CSMD1: variants seen among roughly 807,000 people sequenced by gnomAD.
The protein encoded by CSMD1 is CUB and Sushi multiple domains 1, also known as CUB and sushi domain-containing protein 1.
A neutral mutation model predicts 417.5 loss-of-function variants in CSMD1; 213 were observed. The observed-to-expected ratio is 0.51, with a 90% CI of 0.46 to 0.57. The LOEUF (loss-of-function observed/expected upper bound fraction) is 0.57, where lower values mean the gene tolerates loss of function less well. Ranked by LOEUF, CSMD1 falls within the 20% of genes least tolerant of loss-of-function variation. CSMD1 has a pLI of 0.00. For synonymous variants in CSMD1, 2,862 were observed against 1,736.8 expected (o/e 1.65, Z -16.11); for missense variants, 6,923 against 4,529.7 (o/e 1.53, Z -15.17).
chr8:3,969,612 A>G (rs894590771), intron 5 of CSMD1, among the ~76,000 whole-genome samples: 2 of 152,222 alleles, frequency 1.3e-5, no homozygotes, highest in African/African-American at 4.8e-5. Context: ...CTTGACATAA[A>G]ATTAAATAAA....
At chr8:3,867,018 G>A (rs939673634) in intron 5 of CSMD1, among the ~76,000 whole-genome samples, 1 of 152,064 alleles carries the variant, frequency 6.6e-6, no homozygotes, top group African/African-American at 2.4e-5. Flanking sequence ...TTTTAATTCT[G>A]TGCATTAAAT....
intron 5 of CSMD1, among the ~76,000 whole-genome samples, chr8:3,781,294 T>C (rs966547060): frequency 2.6e-5 from 4 of 152,148 alleles, no homozygotes; most frequent in South Asian, 2.1e-4. Context: ...ATGGTATGAA[T>C]ATACAATATT....
At chr8:3,177,804 C>T (rs926459273) in intron 37 of CSMD1, among the ~76,000 whole-genome samples, 2 of 152,186 alleles carry the variant, frequency 1.3e-5, no homozygotes, top group African/African-American at 4.8e-5. Flanking sequence ...CCATCCTGTA[C>T]ACCTTGAGGT....
At chr8:3,434,833 G>C (rs1215563540) in intron 12 of CSMD1, among the ~76,000 whole-genome samples, 1 of 152,136 alleles carries the variant, frequency 6.6e-6, no homozygotes, top group South Asian at 2.1e-4. Context: ...TCAGAGTGCT[G>C]GCAGGAAGTG....
intron 17 of CSMD1, among the ~76,000 whole-genome samples, chr8:3,395,977 C>G (rs1413972789): frequency 6.6e-6 from 1 of 152,060 alleles, no homozygotes; most frequent in Admixed American, 6.6e-5. Flanking sequence ...TTGTCATACG[C>G]GATGGATACG....
rs754304316 is a variant in CSMD1 at position 3,108,690 on chromosome 8, C to T, written c.6667G>A (p.Glu2223Lys). 6.8e-6 allele frequency: 11 copies of T among 1,613,478 alleles called. No homozygotes were observed. Among genetic ancestry groups the T allele is most frequent in the African/African-American group, 1.3e-5 (1 of 74,900 alleles). The stretch of plus-strand genomic sequence containing the variant: ...TGGTTGGTGGAGCTATACGCCGTTT[C>T]GAGGGCTGTGTTGCCACTGAAAACT... ...LGVFSGNTAL[E>K]TAYSSTNQVL... Residue 2223 changes from glutamate (E) to lysine (K), a missense_variant, in exon 44 of 70, where the codon GAA becomes AAA. Coordinates refer to ENST00000635120, the MANE Select transcript of CSMD1 (RefSeq NM_033225.6).
At chr8:4,048,393 A>G (rs1048068960) in intron 3 of CSMD1, among the ~76,000 whole-genome samples, 2 of 152,192 alleles carry the variant, frequency 1.3e-5, no homozygotes, top group Admixed American at 1.3e-4. Flanking sequence ...TGCTTCCTAG[A>G]CAAACCACTG....
chr8:4,501,711 G>C (rs995535543), intron 2 of CSMD1, among the ~76,000 whole-genome samples: 2 of 152,154 alleles, frequency 1.3e-5, no homozygotes, highest in Non-Finnish European at 2.9e-5. Context: ...ATCTACATTA[G>C]TCACTTAGTA....
chr8:3,651,848 C>G (rs886113637), intron 7 of CSMD1, among the ~76,000 whole-genome samples: 1 of 151,172 alleles, frequency 6.6e-6, no homozygotes, highest in African/African-American at 2.4e-5. Context: ...CACCCACCAT[C>G]GCACTTACCA....
chr8:4,780,611 T>A (rs1315081313), intron 1 of CSMD1, among the ~76,000 whole-genome samples: 7 of 152,162 alleles, frequency 4.6e-5, no homozygotes, highest in Non-Finnish European at 1.5e-5. Flanking sequence ...CAGGTGGTAT[T>A]TGGTTACATG....
intron 26 of CSMD1, among the ~76,000 whole-genome samples, chr8:3,251,939 G>T (rs1424519603): frequency 6.6e-6 from 1 of 152,160 alleles, no homozygotes; most frequent in Non-Finnish European, 1.5e-5. Context: ...TGCTGAAGTT[G>T]CTTATCAGCT....
chr8:4,834,605 C>G (rs920601973), intron 1 of CSMD1, among the ~76,000 whole-genome samples: 2 of 151,640 alleles, frequency 1.3e-5, no homozygotes, highest in Non-Finnish European at 2.9e-5. Flanking sequence ...ACAACGTGGT[C>G]CAGGATAAAG....
chr8:3,580,523 A>G (rs764542168), intron 9 of CSMD1, among the ~76,000 whole-genome samples: 1 of 152,224 alleles, frequency 6.6e-6, no homozygotes. Flanking sequence ...TTTGATGTCA[A>G]TAGAGTATGA....
At chr8:3,949,273 C>T (rs901312493) in intron 5 of CSMD1, among the ~76,000 whole-genome samples, 1 of 152,036 alleles carries the variant, frequency 6.6e-6, no homozygotes, top group African/African-American at 2.4e-5. Context: ...CTACAGCTAT[C>T]ATGTTGTACA....
intron 2 of CSMD1, among the ~76,000 whole-genome samples, chr8:4,613,876 A>AAAG (rs1554524895): frequency 2.0e-5 from 3 of 151,314 alleles, no homozygotes; most frequent in African/African-American, 7.3e-5. Context: ...AAAAAAAAAA[A>AAAG]GAAAACGTTC....
chr8:4,316,958 C>A (rs77745072), intron 3 of CSMD1, among the ~76,000 whole-genome samples: 2,865 of 152,076 alleles, frequency 0.019, 94 homozygotes, highest in African/African-American at 0.064. Flanking sequence ...CAGATTCATA[C>A]GAAAACTCAA....
intron 3 of CSMD1, among the ~76,000 whole-genome samples, chr8:4,222,622 A>G (rs939151): frequency 0.5 from 75,764 of 152,052 alleles, 20,154 homozygotes; most frequent in Non-Finnish European, 0.59. Flanking sequence ...ACAAATCAAG[A>G]ACTGTCATTT....
chr8:4,159,036 C>G (rs1319611153), intron 3 of CSMD1, among the ~76,000 whole-genome samples: 1 of 152,170 alleles, frequency 6.6e-6, no homozygotes, highest in East Asian at 1.9e-4. Context: ...CTGCCTCAGC[C>G]TCCATAGTAA....
intron 3 of CSMD1, among the ~76,000 whole-genome samples, chr8:4,248,404 G>T (rs141577892): frequency 2.6e-5 from 4 of 152,082 alleles, no homozygotes; most frequent in Non-Finnish European, 4.4e-5. Context: ...CTATCATGGC[G>T]CTTATAAAAG....
Sources: gnomAD v4.1 joint callset for allele counts (sites outside exome capture counted in the v4.1 genomes callset) on GRCh38, gnomAD v4.1.1 for gene constraint, MANE v1.5 for transcripts, NCBI Gene and HGNC (gene_info 2026-07-23, HGNC 2026-07-21) for gene names.